The following ERBB2 variants were observed in gnomAD, a reference collection of about 807,000 sequenced individuals.
ERBB2 encodes the protein receptor tyrosine-protein kinase erbB-2.
Under a neutral mutation model 149.0 loss-of-function variants are expected in ERBB2, and 61 were observed. That is an observed-to-expected ratio of 0.41 (90% CI 0.33 to 0.51). The LOEUF (loss-of-function observed/expected upper bound fraction) is 0.51. Ranked by LOEUF, ERBB2 falls within the 20% of genes least tolerant of loss-of-function variation. ERBB2 has a pLI of 0.25. For missense variants in ERBB2, 1,205 were observed against 1,655.1 expected, an observed-to-expected ratio of 0.73 and a Z score of 4.72; for synonymous variants, 633 against 678.8, an observed-to-expected ratio of 0.93 and a Z score of 1.05.
At position 39,727,157 on chromosome 17, in the gene ERBB2, A is replaced by T; in HGVS notation, c.3160-138A>T. The T allele has an allele frequency of 8.0e-7, 1 of 1,254,116 alleles. No homozygotes were observed. The highest frequency in any genetic ancestry group is 1.4e-5 in the South Asian group (1 of 73,954). 77.7% of individuals were successfully genotyped at this position (1,254,116 alleles called of 1,614,324 possible). A position where few individuals can be genotyped will look rare whatever the true frequency, so the allele number is the denominator to read the frequency against. ...TTCTTACTGCCTTCCAACCCCTGTG[A>T]CCCCATTCTCTCCACGGTGACTGTG... On this transcript the variant is annotated intron_variant, in intron 25 of 26. Coordinates refer to ENST00000269571, the MANE Select transcript of ERBB2 (RefSeq NM_004448.4). The surrounding 1 kb of genome is among the most constrained non-coding windows in gnomAD (Gnocchi z 4.3).
intron 7 of ERBB2, among the ~76,000 whole-genome samples, chr17:39,710,996 T>A (rs2145541398): frequency 6.6e-6 from 1 of 152,294 alleles, no homozygotes; most frequent in Admixed American, 6.5e-5. Context: ...GCCTCCCAGG[T>A]TCGTGCTATT....
rs2145469803 is a variant in ERBB2, at chr17:39,709,319, G to A, written c.441G>A (p.Glu147=). Residue 147 remains glutamate, a splice_region_variant and synonymous_variant, in exon 4 of 27, where the codon GAG becomes GAA. Coordinates refer to ENST00000269571, the MANE Select transcript of ERBB2 (RefSeq NM_004448.4). ...CTCTGATCATTGCTCACCCCACAGA[G>A]ATCTTGAAAGGAGGGGTCTTGATCC... The part of the protein sequence containing the change: ...LRELQLRSLT[E]ILKGGVLIQR... 1 of 1,614,150 alleles carries A rather than the reference G, an allele frequency of 6.2e-7. No individual in the cohort carries two copies. Among genetic ancestry groups the A allele is most frequent in the Middle Eastern group, 1.6e-4 (1 of 6,062 alleles).
intron 9 of ERBB2, among the ~76,000 whole-genome samples, chr17:39,713,422 G>A (rs2058929970): frequency 6.7e-6 from 1 of 150,350 alleles, no homozygotes; most frequent in Non-Finnish European, 1.5e-5. Flanking sequence ...ACCACACCCG[G>A]TGCATTTTAT....
intron 2 of ERBB2, chr17:39,707,426 T>A (rs1352276269): frequency 9.3e-6 from 3 of 323,382 alleles, no homozygotes; most frequent in Non-Finnish European, 1.7e-5. Flanking sequence ...CCTGTCCACC[T>A]GCTCCAGCCA....
chr17:39,718,692 C>T (rs1207249612), intron 15 of ERBB2, among the ~76,000 whole-genome samples: 3 of 151,858 alleles, frequency 2.0e-5, no homozygotes, highest in Admixed American at 6.6e-5. Context: ...GCTTTCCCCC[C>T]GACTTGAGGT....
At chr17:39,717,547 C>T (rs944057322) in intron 15 of ERBB2, 67 bp downstream of exon 15, 11 of 1,359,128 alleles carry the variant, frequency 8.1e-6, no homozygotes, top group Non-Finnish European at 1.1e-5. Flanking sequence ...GGGGCTCTTA[C>T]TATAAAAGGG....
rs191397129 is a variant in ERBB2, at chr17:39,714,584, T to C, written c.1149-702T>C. Among the ~76,000 whole-genome samples the C allele has an allele frequency of 7.2e-3, 1,102 of 152,272 alleles. 12 individuals are homozygous for C. The highest frequency in any genetic ancestry group is 0.025 in the African/African-American group (1,042 of 41,528). On this transcript the variant is annotated intron_variant, in intron 9 of 26. Transcript: ENST00000269571. ...ACAGTGCCTGGCAGATACTAGGTGC[T>C]CCTAAATGTTGGTTTTTATTATGTG...
upstream of ERBB2, among the ~76,000 whole-genome samples, chr17:39,692,415 T>A (rs1264836048): frequency 6.6e-6 from 1 of 151,830 alleles, no homozygotes; most frequent in African/African-American, 2.4e-5. Context: ...CTTTTTTTTT[T>A]TTTTTTTAAA....
Position 39,716,535 on chromosome 17 carries a change from A to G in ERBB2, c.1667A>G (p.Asn556Ser), listed in dbSNP as rs2059139883. Residue 556 changes from asparagine to serine, a missense_variant, in exon 14 of 27, where the codon AAT becomes AGT. Asn to Ser is a conservative substitution (Grantham distance 46). This residue lies in a region of ERBB2 where 569 missense variants were observed against 803.5 expected (regional missense o/e 0.71). Transcript: ENST00000269571. ...VLQGLPREYV[N>S]ARHCLPCHPE... is the part of the protein sequence containing the mutation. ...CTCAGGCTCCCCAGGGAGTATGTGA[A>G]TGCCAGGCACTGTTTGCCGTGCCAC... 1 of 1,614,032 alleles carries G rather than the reference A, an allele frequency of 6.2e-7. No homozygotes were observed. Among genetic ancestry groups the G allele is most frequent in the Admixed American group, 1.7e-5 (1 of 60,004 alleles).
At chr17:39,714,057 C>CAAA (rs34185413) in intron 9 of ERBB2, among the ~76,000 whole-genome samples, 2 of 94,768 alleles carry the variant, frequency 2.1e-5, no homozygotes, top group African/African-American at 4.7e-5. Context: ...GACCCTGTCT[C>CAAA]AAAAAAAAAA....
At position 39,723,188 on chromosome 17, in the gene ERBB2, G is replaced by A; in HGVS notation, c.1947-131G>A. 2 of 931,616 alleles carry A rather than the reference G, an allele frequency of 2.1e-6. No individual in the cohort carries two copies. Among genetic ancestry groups the A allele is most frequent in the Non-Finnish European group, 3.3e-6 (2 of 609,630 alleles). The allele number at this position is 931,616 out of a possible 1,614,324, so 57.7% of individuals were successfully genotyped here. A position where few individuals can be genotyped will look rare whatever the true frequency, so the allele number is the denominator to read the frequency against. On this transcript the variant is annotated intron_variant, in intron 16 of 26. Transcript: ENST00000269571. This position sits in a 1 kb window ranked among gnomAD's most constrained non-coding sequence, Gnocchi z 6.2. Reference sequence around the variant, plus strand: ...AAGGCAGGTTTTAGAGTAGGAGAGGGTCCAAGCCTGTGGGTCACCCTTCCG... The same window carrying A: ...AAGGCAGGTTTTAGAGTAGGAGAGGATCCAAGCCTGTGGGTCACCCTTCCG...
intron 1 of ERBB2, among the ~76,000 whole-genome samples, chr17:39,704,537 C>T (rs1281609162): frequency 1.3e-5 from 2 of 152,148 alleles, no homozygotes; most frequent in Admixed American, 6.6e-5. Flanking sequence ...TGCGCCACTG[C>T]ACTCCAGCCT....
intron 1 of ERBB2, among the ~76,000 whole-genome samples, chr17:39,706,095 T>G (rs2058419050): frequency 6.6e-6 from 1 of 152,214 alleles, no homozygotes; most frequent in Admixed American, 6.5e-5. Context: ...AGTGGGCATT[T>G]CTGGTCTCAG....
At chr17:39,724,301 C>T (rs188164127) in intron 19 of ERBB2, among the ~76,000 whole-genome samples, 8 of 34,466 alleles carry the variant, frequency 2.3e-4, no homozygotes, top group Non-Finnish European at 5.3e-4. Flanking sequence ...GACAGAGTCT[C>T]GCTCTGTCAC....
Position 39,723,714 on chromosome 17 carries a change from AGGG to A in ERBB2, c.2208+56_2208+58del. 1.3e-6 allele frequency: 2 copies of A among 1,570,922 alleles called. No homozygotes were observed. Among genetic ancestry groups the A allele is most frequent in the Non-Finnish European group, 1.7e-6 (2 of 1,157,520 alleles). On this transcript the variant is annotated intron_variant, in intron 18 of 26. Coordinates refer to ENST00000269571, the MANE Select transcript of ERBB2 (RefSeq NM_004448.4). The surrounding 1 kb of genome is among the most constrained non-coding windows in gnomAD (Gnocchi z 6.2). ...CCCAGAGGATGGGGGCGGTGCCTGG[AGGG>A]GTGTGGTCGGCAGTTCTGATGGGAG... is the stretch of plus-strand genomic sequence containing the variant.
At chr17:39,724,704 C>T (rs2059650958) in intron 19 of ERBB2, 22 bp from the exon 20 acceptor site, 1 of 1,611,642 alleles carries the variant, frequency 6.2e-7, no homozygotes, top group Non-Finnish European at 8.5e-7. Context: ...CCCATACCCT[C>T]TCAGCGTACC....
upstream of ERBB2, chr17:39,699,934 C>A (rs564166271): frequency 8.9e-7 from 1 of 1,121,900 alleles, no homozygotes; most frequent in African/African-American, 1.6e-5. Context: ...GTTGCCACTC[C>A]CAGACTTGTT....
At chr17:39,716,730 G>A in intron 14 of ERBB2, 125 bp downstream of exon 14, 1 of 862,292 alleles carries the variant, frequency 1.2e-6, no homozygotes, top group Non-Finnish European at 1.9e-6. Flanking sequence ...AGAGGGCTCA[G>A]CGCTCAGACC....
chr17:39,694,316 C>CACATATATATGTGTATATATATATATAT (rs2057810534), upstream of ERBB2, among the ~76,000 whole-genome samples: 2 of 82,172 alleles, frequency 2.4e-5, no homozygotes, highest in East Asian at 3.6e-4. Context: ...TATATATATA[C>CACATATATATGTGTATATATATATATAT]ACACACACAT....
Sources: gnomAD v4.1 joint callset for allele counts (sites outside exome capture counted in the v4.1 genomes callset) on GRCh38, gnomAD v4.1.1 for gene constraint, gnomAD v4.1.1 regional missense constraint, Gnocchi (gnomAD v3.1) non-coding constraint, MANE v1.5 for transcripts, NCBI Gene and HGNC (gene_info 2026-07-23, HGNC 2026-07-21) for gene names.